DMD: variants seen among roughly 807,000 people sequenced by gnomAD.
DMD encodes dystrophin.
DMD carries 63 observed loss-of-function variants against 330.1 expected under a neutral mutation model. That is an observed-to-expected ratio of 0.19 (90% CI 0.16 to 0.24). The LOEUF (loss-of-function observed/expected upper bound fraction) is 0.24, where lower values mean the gene tolerates loss of function less well. Among genes scored for constraint, DMD ranks in the 10% least tolerant of loss-of-function variants. The pLI is 1.00. For synonymous variants in DMD, 1,223 were observed against 959.8 expected (o/e 1.27, Z -5.07); for missense variants, 3,344 against 2,684.1 (o/e 1.25, Z -5.43).
At chrX:31,205,452 T>C (rs1435986155) in intron 66 of DMD, among the ~76,000 whole-genome samples, 1 of 112,198 alleles carries the variant, frequency 8.9e-6, no homozygotes, top group Non-Finnish European at 1.9e-5. Flanking sequence ...TAGTAGTTAT[T>C]CGAAACACCA....
intron 41 of DMD, among the ~76,000 whole-genome samples, chrX:32,335,501 T>C (rs12008860): frequency 0.053 from 3,617 of 68,311 alleles, 160 homozygotes; most frequent in African/African-American, 0.14. Flanking sequence ...ATATACATGT[T>C]ATATATATAA....
intron 44 of DMD, among the ~76,000 whole-genome samples, chrX:32,185,283 C>T (rs1445163333): frequency 9.0e-6 from 1 of 110,837 alleles, no homozygotes; most frequent in Non-Finnish European, 1.9e-5. Context: ...ATGAGGGAGC[C>T]AAACAGTGAT....
chrX:31,329,376 G>T (rs2056969715), intron 61 of DMD, among the ~76,000 whole-genome samples: 1 of 111,299 alleles, frequency 9.0e-6, no homozygotes, highest in African/African-American at 3.3e-5. Flanking sequence ...AAAAAAGAAG[G>T]TTCCTACCAT....
At chrX:31,243,705 T>C (rs969479265) in intron 63 of DMD, among the ~76,000 whole-genome samples, 10 of 112,686 alleles carry the variant, frequency 8.9e-5, no homozygotes, top group African/African-American at 3.2e-4. Context: ...AGATTGGCAC[T>C]TTGAAGTATT....
In DMD at chrX:32,228,324, T is replaced by C. The variant is rs147424935; in HGVS notation, c.6291-11261A>G. ...CAGCAGACAACTGACAATGTAAAGGTTGTGATATTTGAAAATTCCATCATG... is the reference window on the plus strand; with the variant it reads ...CAGCAGACAACTGACAATGTAAAGGCTGTGATATTTGAAAATTCCATCATG... On this transcript the variant is annotated intron_variant, in intron 43 of 78. Transcript: ENST00000357033. Among the ~76,000 whole-genome samples, 1,029 of 111,446 alleles carry C rather than the reference T, an allele frequency of 9.2e-3. 8 individuals are homozygous for C. The highest frequency in any genetic ancestry group is 0.031 in the African/African-American group (960 of 30,747).
intron 59 of DMD, among the ~76,000 whole-genome samples, chrX:31,464,442 T>C (rs1340361261): frequency 1.8e-5 from 2 of 112,403 alleles, no homozygotes; most frequent in Non-Finnish European, 3.8e-5. Context: ...GTTCATTCAG[T>C]CATTATCTCA....
intron 4 of DMD, 112 bp downstream of exon 4, chrX:32,844,671 T>A: frequency 1.6e-6 from 1 of 642,710 alleles, no homozygotes; most frequent in Non-Finnish European, 2.6e-6. Flanking sequence ...AGAACTGGTC[T>A]GATTTACAAG....
At chrX:31,605,508 A>G (rs918967600) in intron 55 of DMD, among the ~76,000 whole-genome samples, 1 of 112,093 alleles carries the variant, frequency 8.9e-6, no homozygotes, top group African/African-American at 3.2e-5. Context: ...TAAATGGGAA[A>G]GTATAATAAA....
intron 2 of DMD, among the ~76,000 whole-genome samples, chrX:32,982,951 T>C (rs940264053): frequency 8.9e-6 from 1 of 112,042 alleles, no homozygotes; most frequent in Non-Finnish European, 1.9e-5. Context: ...TCCCCAAATA[T>C]GCCAGATTGG....
intron 55 of DMD, among the ~76,000 whole-genome samples, chrX:31,593,725 T>C (rs2076983019): frequency 9.0e-6 from 1 of 110,949 alleles, no homozygotes; most frequent in Admixed American, 9.6e-5. Flanking sequence ...AAGCATGTAA[T>C]TTAAAAAATT....
intron 45 of DMD, among the ~76,000 whole-genome samples, chrX:31,965,160 G>A (rs2095340785): frequency 9.0e-6 from 1 of 111,405 alleles, no homozygotes; most frequent in Non-Finnish European, 1.9e-5. Context: ...CGACTGGTAT[G>A]TCTTCTCCTA....
At chrX:31,275,107 T>G (rs2051987784) in intron 62 of DMD, among the ~76,000 whole-genome samples, 1 of 110,201 alleles carries the variant, frequency 9.1e-6, no homozygotes, top group African/African-American at 3.3e-5. Context: ...GCACTTCAAT[T>G]AAAAACTAAG....
intron 11 of DMD, 50 bp from the exon 12 acceptor site, chrX:32,614,503 A>G (rs1285812896): frequency 1.0e-6 from 1 of 987,678 alleles, no homozygotes; most frequent in Non-Finnish European, 1.4e-6. Flanking sequence ...GCAACTTATT[A>G]CTGAACATCA....
chrX:32,915,088 A>G (rs866593961), intron 2 of DMD, among the ~76,000 whole-genome samples: 6 of 111,197 alleles, frequency 5.4e-5, no homozygotes, highest in Middle Eastern at 4.7e-3. Context: ...TGTATCTGAT[A>G]AAACATTTAA....
intron 5 of DMD, among the ~76,000 whole-genome samples, chrX:32,818,727 T>C (rs1449433271): frequency 9.0e-6 from 1 of 110,993 alleles, no homozygotes; most frequent in Non-Finnish European, 1.9e-5. Context: ...GCTCCAGCTG[T>C]GGTCAGGCAG....
intron 44 of DMD, among the ~76,000 whole-genome samples, chrX:32,167,332 T>C (rs768579496): frequency 3.6e-5 from 4 of 112,381 alleles, no homozygotes; most frequent in Middle Eastern, 4.6e-3. Context: ...ATATTAAACG[T>C]GCAAGGAAAT....
intron 54 of DMD, among the ~76,000 whole-genome samples, chrX:31,644,454 C>A (rs1232016325): frequency 9.0e-6 from 1 of 111,567 alleles, no homozygotes; most frequent in Non-Finnish European, 1.9e-5. Context: ...ACTCTCTGTG[C>A]CTCAGTATCC....
intron 2 of DMD, among the ~76,000 whole-genome samples, chrX:32,925,425 C>A (rs2088914490): frequency 9.0e-6 from 1 of 110,625 alleles, no homozygotes. Flanking sequence ...GTAACAAGAT[C>A]TGAATGTTTG....
chrX:33,020,995 C>T (rs907394781), intron 1 of DMD, among the ~76,000 whole-genome samples: 46 of 111,040 alleles, frequency 4.1e-4, no homozygotes, highest in Non-Finnish European at 7.2e-4. Flanking sequence ...ATCTTTGCTT[C>T]CCAGAACTTA....
Sources: gnomAD v4.1 joint callset for allele counts (sites outside exome capture counted in the v4.1 genomes callset) on GRCh38, gnomAD v4.1.1 for gene constraint, MANE v1.5 for transcripts, NCBI Gene and HGNC (gene_info 2026-07-23, HGNC 2026-07-21) for gene names.